CDYL2: variants seen among roughly 807,000 people sequenced by gnomAD.
CDYL2 encodes the protein chromodomain Y-like protein 2.
A neutral mutation model predicts 49.4 loss-of-function variants in CDYL2; 23 were observed. That is an observed-to-expected ratio of 0.47 (90% CI 0.34 to 0.66). CDYL2 has a LOEUF of 0.66. CDYL2 is among the 30% of genes least tolerant of loss of function. CDYL2 has a pLI of 0.01. For missense variants in CDYL2, 678 were observed against 656.4 expected (o/e 1.03, Z -0.36); for synonymous variants, 360 against 268.8 (o/e 1.34, Z -3.32).
At chr16:80,621,560 A>G (rs1408043299) in intron 3 of CDYL2, among the ~76,000 whole-genome samples, 5 of 152,242 alleles carry the variant, frequency 3.3e-5, no homozygotes, top group Non-Finnish European at 7.3e-5. Flanking sequence ...GTCCCCATCT[A>G]TAAGTGGGTG....
At chr16:80,698,144 T>C (rs1360080853) in intron 1 of CDYL2, among the ~76,000 whole-genome samples, 2 of 152,086 alleles carry the variant, frequency 1.3e-5, no homozygotes, top group African/African-American at 4.8e-5. Context: ...GACTTCAAAA[T>C]ATACTAAAAA....
chr16:80,792,088 A>T (rs1383582562), intron 1 of CDYL2, among the ~76,000 whole-genome samples: 1 of 152,162 alleles, frequency 6.6e-6, no homozygotes, highest in Non-Finnish European at 1.5e-5. Context: ...GAACAGGTGG[A>T]TGGGGGTGCT....
rs560021369 is a variant in CDYL2 at position 80,675,803 on chromosome 16, T to C, written c.616+8735A>G. Among the ~76,000 whole-genome samples, 40 of 152,276 alleles carry C rather than the reference T, an allele frequency of 2.6e-4. No homozygotes were observed. In the South Asian group the frequency reaches 8.3e-3, roughly 32 times the overall value. On this transcript the variant is annotated intron_variant, in intron 2 of 6. Transcript: ENST00000570137. ...GCCCTCTACAGACACTGTACCCGCT[T>C]ACTGCTTGCTCCTGGGGAGGATCGC... is the stretch of plus-strand genomic sequence containing the variant.
rs558468348 is a variant in CDYL2, at chr16:80,690,789, C to A, written c.25-5660G>T. ...CCTGCGCTGGCCTCTCCTAGAGCCC[C>A]TACCATGCCAGCCACAGGGCCTCCT... On this transcript the variant is annotated intron_variant, in intron 1 of 6. Transcript: ENST00000570137. 1.8e-4 allele frequency among the ~76,000 whole-genome samples: 28 copies of A among 152,294 alleles called. No homozygotes were observed. In the East Asian group the frequency reaches 5.2e-3, roughly 28 times the overall value.
At chr16:80,676,901 C>G (rs1184605068) in intron 2 of CDYL2, among the ~76,000 whole-genome samples, 1 of 151,014 alleles carries the variant, frequency 6.6e-6, no homozygotes, top group African/African-American at 2.4e-5. Context: ...GCAAAACCCT[C>G]TGGGCCTTGT....
chr16:80,681,925 A>G (rs750642746), intron 2 of CDYL2, among the ~76,000 whole-genome samples: 1 of 152,064 alleles, frequency 6.6e-6, no homozygotes, highest in Non-Finnish European at 1.5e-5. Context: ...ATAAAAAAAA[A>G]TCAGTATTGA....
chr16:80,740,235 C>T (rs1255456200), intron 1 of CDYL2, among the ~76,000 whole-genome samples: 3 of 152,158 alleles, frequency 2.0e-5, no homozygotes, highest in Non-Finnish European at 4.4e-5. Flanking sequence ...TGAAACTTGC[C>T]ACTTGTTTTC....
intron 2 of CDYL2, among the ~76,000 whole-genome samples, chr16:80,652,592 A>G (rs1230946105): frequency 6.6e-6 from 1 of 152,218 alleles, no homozygotes; most frequent in East Asian, 1.9e-4. Context: ...CCATCCCAAG[A>G]GCACAGTGTG....
chr16:80,742,016 A>G (rs1905754163), intron 1 of CDYL2: 1 of 152,266 alleles, frequency 6.6e-6, no homozygotes, highest in African/African-American at 2.4e-5. Flanking sequence ...TACTAGGCAC[A>G]GTTCTATGCT....
chr16:80,631,880 C>T (rs114072290), intron 3 of CDYL2, among the ~76,000 whole-genome samples: 1 of 152,138 alleles, frequency 6.6e-6, no homozygotes, highest in African/African-American at 2.4e-5. Context: ...ATAAAAAAGA[C>T]AGACGTAACA....
intron 1 of CDYL2, among the ~76,000 whole-genome samples, chr16:80,735,349 T>C (rs2142544492): frequency 6.6e-6 from 1 of 152,338 alleles, no homozygotes; most frequent in Admixed American, 6.5e-5. Flanking sequence ...TAAAGTACAG[T>C]CTGAGTGACA....
At chr16:80,732,168 T>C (rs1379205415) in intron 1 of CDYL2, among the ~76,000 whole-genome samples, 1 of 152,218 alleles carries the variant, frequency 6.6e-6, no homozygotes, top group East Asian at 1.9e-4. Context: ...TGACACTGAA[T>C]AATGAGAACA....
chr16:80,712,094 T>C (rs1485792666), intron 1 of CDYL2, among the ~76,000 whole-genome samples: 1 of 145,834 alleles, frequency 6.9e-6, no homozygotes, highest in Non-Finnish European at 1.5e-5. Context: ...TGTGTGTATA[T>C]ATATGTGTAT....
At chr16:80,742,075 T>G (rs1433102442) in intron 1 of CDYL2, 1 of 152,234 alleles carries the variant, frequency 6.6e-6, no homozygotes, top group Non-Finnish European at 1.5e-5. Flanking sequence ...AAACAGATCC[T>G]AATGTAATCT....
At chr16:80,721,803 G>T (rs1905007476) in intron 1 of CDYL2, among the ~76,000 whole-genome samples, 1 of 152,138 alleles carries the variant, frequency 6.6e-6, no homozygotes, top group African/African-American at 2.4e-5. Flanking sequence ...CCCCTCCCCG[G>T]TGACCATCCC....
chr16:80,705,739 T>A (rs1904383127), intron 1 of CDYL2, among the ~76,000 whole-genome samples: 1 of 152,272 alleles, frequency 6.6e-6, no homozygotes, highest in Non-Finnish European at 1.5e-5. Context: ...TCTGCCCTTG[T>A]CATGCAAACA....
intron 2 of CDYL2, among the ~76,000 whole-genome samples, chr16:80,656,379 G>T (rs78499851): frequency 0.026 from 3,928 of 152,364 alleles, 138 homozygotes; most frequent in African/African-American, 0.07. Context: ...AAAAGCCAGG[G>T]TGACGTCCAG....
intron 1 of CDYL2, among the ~76,000 whole-genome samples, chr16:80,704,391 C>A (rs1261533410): frequency 2.6e-5 from 4 of 152,270 alleles, no homozygotes; most frequent in African/African-American, 9.6e-5. Flanking sequence ...GTGCTCATCA[C>A]ATGCCAGGCA....
chr16:80,687,630 T>C (rs1910251627), intron 1 of CDYL2, among the ~76,000 whole-genome samples: 1 of 152,080 alleles, frequency 6.6e-6, no homozygotes, highest in Non-Finnish European at 1.5e-5. Flanking sequence ...AGTGGGTTCA[T>C]AAATGGATGG....
Sources: allele counts gnomAD v4.1 joint callset (sites outside exome capture counted in the v4.1 genomes callset), GRCh38; gene constraint gnomAD v4.1.1; transcripts MANE v1.5; gene names NCBI Gene and HGNC (gene_info 2026-07-23, HGNC 2026-07-21).